The following ASCC1 variants were observed in gnomAD, a reference collection of about 807,000 sequenced individuals.
ASCC1 encodes activating signal cointegrator 1 complex subunit 1.
Under a neutral mutation model 46.6 loss-of-function variants are expected in ASCC1, and 35 were observed. That is an observed-to-expected ratio of 0.75 (90% confidence interval 0.57 to 0.99). The LOEUF is 0.99. Ranked by LOEUF, ASCC1 falls within the 50% of genes least tolerant of loss-of-function variation. The pLI is 0.00. For missense variants in ASCC1, 376 were observed against 428.7 expected (o/e 0.88, Z 1.09); for synonymous variants, 143 against 146.6 (o/e 0.98, Z 0.18).
chr10:72,149,474 T>C (rs763897643), intron 7 of ASCC1, among the ~76,000 whole-genome samples: 3 of 144,212 alleles, frequency 2.1e-5, no homozygotes, highest in Admixed American at 6.7e-5. Context: ...AGTGTTGTTG[T>C]GTTATTTTTT....
intron 5 of ASCC1, among the ~76,000 whole-genome samples, chr10:72,172,711 A>ATATATAATATTTT (rs1296211965): frequency 7.2e-6 from 1 of 138,948 alleles, no homozygotes; most frequent in African/African-American, 2.6e-5. Flanking sequence ...TATATATATT[A>ATATATAATATTTT]TATATAATAT....
chr10:72,180,199 A>G lies in ASCC1; in HGVS notation c.489+16612T>C, dbSNP rs536265262. Among the ~76,000 whole-genome samples the G allele has an allele frequency of 4.6e-5, 7 of 152,258 alleles. No homozygotes were observed. The South Asian group carries it at 1.5e-3, about 32-fold the overall frequency. ...GAGGCTGAGGCATAAGAACTGCTTG[A>G]ACCCAGGGAGCAGAGGTTGCAGTAA... On this transcript the variant is annotated intron_variant, in intron 5 of 9. Coordinates refer to ENST00000672957, the MANE Select transcript of ASCC1 (RefSeq NM_001198800.3).
chr10:72,199,762 C>A (rs1486510060), intron 4 of ASCC1, among the ~76,000 whole-genome samples: 1 of 152,090 alleles, frequency 6.6e-6, no homozygotes, highest in Non-Finnish European at 1.5e-5. Context: ...TTGAGACAGT[C>A]TCGCTCTGTC....
chr10:72,123,384 G>A (rs1435970486), intron 9 of ASCC1, among the ~76,000 whole-genome samples: 1 of 151,362 alleles, frequency 6.6e-6, no homozygotes, highest in Non-Finnish European at 1.5e-5. Flanking sequence ...TAACTGAAAA[G>A]AGGAACTCAA....
At chr10:72,214,093 C>T (rs1235347242) in intron 1 of ASCC1, among the ~76,000 whole-genome samples, 1 of 151,830 alleles carries the variant, frequency 6.6e-6, no homozygotes, top group Non-Finnish European at 1.5e-5. Flanking sequence ...TGGCTTACAC[C>T]TGTACTCCCA....
chr10:72,170,720 G>C (rs1399910661), intron 5 of ASCC1, among the ~76,000 whole-genome samples: 1 of 151,922 alleles, frequency 6.6e-6, no homozygotes, highest in Non-Finnish European at 1.5e-5. Flanking sequence ...TCCCAAACTA[G>C]AGAGGGAAAA....
intron 7 of ASCC1, among the ~76,000 whole-genome samples, chr10:72,140,920 C>G (rs925845991): frequency 6.6e-6 from 1 of 152,142 alleles, no homozygotes; most frequent in Admixed American, 6.6e-5. Flanking sequence ...CCCATAAGCA[C>G]AGGCTTTACA....
intron 3 of ASCC1, 149 bp from the exon 4 acceptor site, chr10:72,203,673 C>T: frequency 1.4e-6 from 1 of 690,820 alleles, no homozygotes; most frequent in South Asian, 1.7e-5. Flanking sequence ...AATTACAAGT[C>T]ATCTAGCTTT....
intron 3 of ASCC1, among the ~76,000 whole-genome samples, chr10:72,205,751 G>C (rs922010543): frequency 6.6e-6 from 1 of 151,906 alleles, no homozygotes; most frequent in African/African-American, 2.4e-5. Context: ...AGCAGAGATC[G>C]CACCACTGCA....
chr10:72,191,988 T>TA (rs200619095), intron 5 of ASCC1, among the ~76,000 whole-genome samples: 31 of 145,194 alleles, frequency 2.1e-4, no homozygotes, highest in African/African-American at 3.5e-4. Context: ...GTACAACCCA[T>TA]AAAAAAAAAA....
intron 9 of ASCC1, among the ~76,000 whole-genome samples, chr10:72,123,016 T>G (rs1452230554): frequency 6.6e-6 from 1 of 152,056 alleles, no homozygotes; most frequent in African/African-American, 2.4e-5. Context: ...AAATCCAAAT[T>G]AAGCAGAATG....
chr10:72,153,798 T>C (rs1848645971), intron 6 of ASCC1, among the ~76,000 whole-genome samples: 1 of 151,858 alleles, frequency 6.6e-6, no homozygotes, highest in East Asian at 1.9e-4. Context: ...GATCTCGGAT[T>C]GCAACCTCCA....
At chr10:72,210,125 T>A (rs117263714) in intron 3 of ASCC1, among the ~76,000 whole-genome samples, 79 of 151,872 alleles carry the variant, frequency 5.2e-4, no homozygotes, top group Non-Finnish European at 8.5e-4. Flanking sequence ...GCTTGTACTG[T>A]CTGTAGAGTC....
intron 9 of ASCC1, among the ~76,000 whole-genome samples, chr10:72,117,369 T>C (rs1453825853): frequency 1.3e-5 from 2 of 152,230 alleles, no homozygotes; most frequent in Admixed American, 6.5e-5. Context: ...TGTTTGCTAC[T>C]GCCATATGCC....
At chr10:72,193,667 C>A (rs1854903052) in intron 5 of ASCC1, among the ~76,000 whole-genome samples, 2 of 151,658 alleles carry the variant, frequency 1.3e-5, no homozygotes, top group South Asian at 2.1e-4. Flanking sequence ...ATGTATACCC[C>A]AAAAAAGTCC....
chr10:72,097,798 C>G (rs1192825558), intron 9 of ASCC1, among the ~76,000 whole-genome samples: 2 of 152,240 alleles, frequency 1.3e-5, no homozygotes, highest in Non-Finnish European at 2.9e-5. Context: ...CAGAGTCTGA[C>G]CAGGCTGCTT....
intron 7 of ASCC1, among the ~76,000 whole-genome samples, chr10:72,145,859 G>T (rs899496248): frequency 1.3e-5 from 2 of 152,134 alleles, no homozygotes; most frequent in African/African-American, 4.8e-5. Context: ...TTTCAATAAA[G>T]TTTTGTTGAA....
At chr10:72,148,097 C>T (rs537656232) in intron 7 of ASCC1, among the ~76,000 whole-genome samples, 22 of 152,178 alleles carry the variant, frequency 1.4e-4, no homozygotes, top group Admixed American at 1.1e-3. Flanking sequence ...GTGCTAGTAG[C>T]AGTATATTCT....
chr10:72,108,096 A>G (rs1222768396), intron 9 of ASCC1, among the ~76,000 whole-genome samples: 3 of 123,012 alleles, frequency 2.4e-5, no homozygotes, highest in South Asian at 2.5e-4. Context: ...TTTTTTTTTG[A>G]AACAAGGTCT....
Sources: gnomAD v4.1 joint callset for allele counts (sites outside exome capture counted in the v4.1 genomes callset) on GRCh38, gnomAD v4.1.1 for gene constraint, MANE v1.5 for transcripts, NCBI Gene and HGNC (gene_info 2026-07-23, HGNC 2026-07-21) for gene names.